Variants in ITPR1 observed in about 807,000 individuals in gnomAD.
The protein encoded by ITPR1 is inositol 1,4,5-trisphosphate receptor type 1, also known as inositol 1,4,5-trisphosphate-gated calcium channel ITPR1.
ITPR1 carries 96 observed loss-of-function variants against 318.4 expected under a neutral mutation model. The ratio of observed to expected loss-of-function variants is 0.30; its 90% confidence interval spans 0.26 to 0.36. ITPR1 has a LOEUF of 0.36. Among genes scored for constraint, ITPR1 ranks in the 10% least tolerant of loss-of-function variants. The pLI, the probability that ITPR1 is intolerant of heterozygous loss-of-function variation, is 1.00. For missense variants in ITPR1, 2,440 were observed against 3,460.2 expected (o/e 0.71, Z 7.40); for synonymous variants, 1,312 against 1,289.9 (o/e 1.02, Z -0.37).
Position 4,647,641 on chromosome 3 carries a change from A to G in ITPR1, c.855+1913A>G, listed in dbSNP as rs146632377. On this transcript the variant is annotated intron_variant, in intron 10 of 61. Coordinates refer to ENST00000649015, the MANE Select transcript of ITPR1 (RefSeq NM_001378452.1). The stretch of plus-strand genomic sequence containing the variant: ...TCTTTTCAATGTTACTCGTTCTAGT[A>G]GGTACATAGTGAAATTTCAATGTGG... Among the ~76,000 whole-genome samples the G allele has an allele frequency of 5.9e-3, 901 of 152,324 alleles. 2 individuals carry two copies. The highest frequency in any genetic ancestry group is 0.027 in the Middle Eastern group (8 of 294).
chr3:4,578,088 A>C (rs1317059567), intron 4 of ITPR1, among the ~76,000 whole-genome samples: 4 of 152,244 alleles, frequency 2.6e-5, no homozygotes, highest in Non-Finnish European at 5.9e-5. Flanking sequence ...GTTTGTTTAT[A>C]GCAAGCAAAA....
At position 4,804,759 on chromosome 3, in the gene ITPR1, A is replaced by G. The variant is rs181680100; in HGVS notation, c.7108-1344A>G. 2.9e-3 allele frequency among the ~76,000 whole-genome samples: 441 copies of G among 150,966 alleles called. 18 individuals are homozygous for G. In the South Asian group the frequency reaches 0.055, roughly 19 times the overall value. On this transcript the variant is annotated intron_variant, in intron 54 of 61. Coordinates refer to ENST00000649015, the MANE Select transcript of ITPR1 (RefSeq NM_001378452.1). ...CCACTAGCAAAGGTGAGAATTTTGG[A>G]AAAAATTGGCAGATTGAATGCTTAG... is the stretch of plus-strand genomic sequence containing the variant.
chr3:4,622,157 C>A (rs1311736185), intron 4 of ITPR1, among the ~76,000 whole-genome samples: 2 of 149,304 alleles, frequency 1.3e-5, no homozygotes, highest in Non-Finnish European at 3.0e-5. Flanking sequence ...TTCCGTTGCC[C>A]AGGCTGGAGT....
intron 31 of ITPR1, among the ~76,000 whole-genome samples, chr3:4,689,426 C>G (rs912280260): frequency 1.3e-5 from 2 of 152,316 alleles, no homozygotes; most frequent in South Asian, 2.1e-4. Context: ...CTGAAAGACT[C>G]CAAAATTCAA....
intron 42 of ITPR1, among the ~76,000 whole-genome samples, chr3:4,728,977 T>G (rs185323570): frequency 7.8e-4 from 119 of 152,332 alleles, no homozygotes; most frequent in African/African-American, 2.8e-3. Flanking sequence ...GCTTCCTGTA[T>G]CTCCTGCACT....
At chr3:4,583,753 G>A (rs1873850) in intron 4 of ITPR1, among the ~76,000 whole-genome samples, 36,719 of 152,094 alleles carry the variant, frequency 0.24, 5,498 homozygotes, top group East Asian at 0.53. Flanking sequence ...GGGAACTTGA[G>A]CTTGGTTGCA....
At chr3:4,684,772 C>G (rs1479752520) in intron 29 of ITPR1, among the ~76,000 whole-genome samples, 1 of 152,190 alleles carries the variant, frequency 6.6e-6, no homozygotes, top group Non-Finnish European at 1.5e-5. Flanking sequence ...TACCCCAGAG[C>G]AAACTCTTCC....
chr3:4,642,790 G>C (rs1011082905), intron 7 of ITPR1, among the ~76,000 whole-genome samples: 1 of 152,202 alleles, frequency 6.6e-6, no homozygotes, highest in East Asian at 1.9e-4. Context: ...CCACAGGAAG[G>C]CTTTTCAGGG....
At chr3:4,512,019 G>C (rs1016332294) in intron 2 of ITPR1, among the ~76,000 whole-genome samples, 4 of 152,194 alleles carry the variant, frequency 2.6e-5, no homozygotes, top group African/African-American at 9.6e-5. Flanking sequence ...GCAGGGTCTT[G>C]CTCTGTTGCC....
At position 4,846,663 on chromosome 3, in the gene ITPR1, G is replaced by GTTAA. The variant is rs1415368220; in HGVS notation, c.*440_*443dup. The GTTAA allele has an allele frequency of 6.5e-6, 1 of 153,076 alleles. No homozygotes were observed. Among genetic ancestry groups the GTTAA allele is most frequent in the Non-Finnish European group, 1.5e-5 (1 of 68,346 alleles). The allele number at this position is 153,076 out of a possible 1,614,324, so 9.5% of individuals were successfully genotyped here. A position where few individuals can be genotyped will look rare whatever the true frequency, so the allele number is the denominator to read the frequency against. On this transcript the variant is annotated 3_prime_UTR_variant, in exon 62 of 62. Coordinates refer to ENST00000649015, the MANE Select transcript of ITPR1 (RefSeq NM_001378452.1). Reference sequence around the variant, plus strand: ...GAGTGCACTTCTTTGAAGCTGGTGTGTTAATACTATGTAATAAATGGTTAA... The same window carrying GTTAA: ...GAGTGCACTTCTTTGAAGCTGGTGTGTTAATTAATACTATGTAATAAATGGTTAA...
chr3:4,778,243 T>C (rs1478712808), intron 48 of ITPR1, among the ~76,000 whole-genome samples: 1 of 152,226 alleles, frequency 6.6e-6, no homozygotes, highest in East Asian at 1.9e-4. Flanking sequence ...AGGCATCAGG[T>C]TTCTAAAGTA....
At chr3:4,787,337 C>CAAAAAAAAAAAA (rs71053443) in intron 51 of ITPR1, among the ~76,000 whole-genome samples, 1 of 51,346 alleles carries the variant, frequency 1.9e-5, no homozygotes, top group Non-Finnish European at 3.2e-5. Flanking sequence ...GACTCCATCT[C>CAAAAAAAAAAAA]AAAAAAAAAA....
At chr3:4,837,666 A>G (rs6768569) in intron 61 of ITPR1, among the ~76,000 whole-genome samples, 86,313 of 151,888 alleles carry the variant, frequency 0.57, 25,766 homozygotes, top group East Asian at 0.78. Flanking sequence ...AGTAAGTTGT[A>G]GGGGACATGT....
At chr3:4,536,534 C>T (rs1040579948) in intron 4 of ITPR1, among the ~76,000 whole-genome samples, 2 of 152,154 alleles carry the variant, frequency 1.3e-5, no homozygotes, top group African/African-American at 4.8e-5. Context: ...TAGAAATGCT[C>T]CCTGCCCTTA....
rs1020131589 is a variant in ITPR1 at position 4,802,499 on chromosome 3, A to C, written c.7107+1899A>C. ...GCCTGAGTCTTGGACATAGTGTAGA[A>C]GAAAGAAGGAAGGTATGGACGTCAG... On this transcript the variant is annotated intron_variant, in intron 54 of 61. Transcript: ENST00000649015. 2.6e-5 allele frequency among the ~76,000 whole-genome samples: 4 copies of C among 152,086 alleles called. No individual in the cohort carries two copies. In the South Asian group the frequency reaches 8.3e-4, roughly 31 times the overall value.
chr3:4,806,712 G>A (rs1193388746), intron 55 of ITPR1, among the ~76,000 whole-genome samples: 1 of 152,082 alleles, frequency 6.6e-6, no homozygotes. Flanking sequence ...GAAGCCCCGG[G>A]ATTCATGATC....
intron 4 of ITPR1, among the ~76,000 whole-genome samples, chr3:4,611,000 C>CCTTCTCCTTCTCCTTCT (rs2092061411): frequency 1.3e-5 from 1 of 75,710 alleles, no homozygotes; most frequent in Admixed American, 1.3e-4. Flanking sequence ...CTTCTCCTTC[C>CCTTCTCCTTCTCCTTCT]CTTCCCTTCC....
chr3:4,773,264 C>G (rs951369174), intron 46 of ITPR1, among the ~76,000 whole-genome samples: 11 of 152,184 alleles, frequency 7.2e-5, no homozygotes, highest in Admixed American at 1.3e-4. Flanking sequence ...GAGCAACAGG[C>G]AGAGGGCATT....
intron 4 of ITPR1, among the ~76,000 whole-genome samples, chr3:4,542,188 C>T (rs2084519299): frequency 6.6e-6 from 1 of 152,158 alleles, no homozygotes; most frequent in Non-Finnish European, 1.5e-5. Context: ...TAAATATATT[C>T]TATCTCTAAA....
Sources: gnomAD v4.1 joint callset for allele counts (sites outside exome capture counted in the v4.1 genomes callset) on GRCh38, gnomAD v4.1.1 for gene constraint, MANE v1.5 for transcripts, NCBI Gene and HGNC (gene_info 2026-07-23, HGNC 2026-07-21) for gene names.